The following MMS22L variants were observed in gnomAD, a reference collection of about 807,000 sequenced individuals.
MMS22L encodes the protein protein MMS22-like.
In MMS22L, 74 loss-of-function variants were observed where a neutral mutation model predicts 159.1. That is an observed-to-expected ratio of 0.47 (90% CI 0.39 to 0.56). The LOEUF (loss-of-function observed/expected upper bound fraction) is 0.56. Among genes scored for constraint, MMS22L ranks in the 20% least tolerant of loss-of-function variants. The pLI, the probability that MMS22L is intolerant of heterozygous loss-of-function variation, is 0.00. For synonymous variants in MMS22L, 517 were observed against 506.9 expected, an observed-to-expected ratio of 1.02 and a Z score of -0.27; for missense variants, 1,351 against 1,422.1, an observed-to-expected ratio of 0.95 and a Z score of 0.80.
Position 97,267,853 on chromosome 6 carries a change from C to A in MMS22L, c.828+19G>T. 1 of 1,569,104 alleles carries A rather than the reference C, an allele frequency of 6.4e-7. No individual in the cohort carries two copies. Among genetic ancestry groups the A allele is most frequent in the Non-Finnish European group, 8.6e-7 (1 of 1,162,812 alleles). ...ATACTGTCTTTAAGTCTCAAAAATA[C>A]AAACTCTTAAAGCATTACCTTGTCG... On this transcript the variant is annotated intron_variant, in intron 8 of 24. Transcript: ENST00000683635.
intron 18 of MMS22L, among the ~76,000 whole-genome samples, chr6:97,174,781 AC>A (rs1803961922): frequency 6.6e-6 from 1 of 152,202 alleles, no homozygotes; most frequent in South Asian, 2.1e-4. Flanking sequence ...CTGAAAGAGT[AC>A]TACAGAAGCT....
At chr6:97,189,070 G>A (rs1805567878) in intron 14 of MMS22L, among the ~76,000 whole-genome samples, 1 of 151,830 alleles carries the variant, frequency 6.6e-6, no homozygotes, top group Admixed American at 6.6e-5. Flanking sequence ...AGGGCCAGGA[G>A]CAACATCAGA....
chr6:97,238,590 TG>T, intron 11 of MMS22L, among the ~76,000 whole-genome samples: 3 of 96,974 alleles, frequency 3.1e-5, no homozygotes, highest in Non-Finnish European at 5.1e-5. Context: ...TGTGTGTGTG[TG>T]TGTGTGTGTG....
At position 97,151,747 on chromosome 6, in the gene MMS22L, C is replaced by A. The variant is rs1801340457; in HGVS notation, c.3482+24G>T. ...CAAATGGCTGGCAATAGTTTCCTTG[C>A]CAGGTGGCATATTTTCCAGTTACCT... is the stretch of plus-strand genomic sequence containing the variant. On this transcript the variant is annotated intron_variant, in intron 23 of 24. Coordinates refer to ENST00000683635, the MANE Select transcript of MMS22L (RefSeq NM_001350599.2). 7 of 1,590,784 alleles carry A rather than the reference C, an allele frequency of 4.4e-6. No homozygotes were observed. The African/African-American group carries it at 6.7e-5, about 15-fold the overall frequency.
At chr6:97,255,127 A>G (rs1813662697) in intron 9 of MMS22L, among the ~76,000 whole-genome samples, 2 of 152,094 alleles carry the variant, frequency 1.3e-5, no homozygotes, top group Non-Finnish European at 1.5e-5. Context: ...TCTTTGGTCA[A>G]TGCTGCGTTT....
intron 23 of MMS22L, 71 bp from the exon 24 acceptor site, chr6:97,150,091 C>G: frequency 8.6e-7 from 1 of 1,162,182 alleles, no homozygotes; most frequent in East Asian, 2.4e-5. Context: ...ACGTGGCAAT[C>G]AACTATGAAC....
chr6:97,234,045 A>C, intron 11 of MMS22L, 65 bp from the exon 12 acceptor site: 1 of 1,552,934 alleles, frequency 6.4e-7, no homozygotes, highest in Non-Finnish European at 8.7e-7. Context: ...TTTTCACTTG[A>C]TATTGTGCTG....
chr6:97,240,166 C>A (rs550706253), intron 11 of MMS22L, among the ~76,000 whole-genome samples: 4 of 152,250 alleles, frequency 2.6e-5, no homozygotes, highest in South Asian at 2.1e-4. Context: ...TACTACTGCT[C>A]CCACAAAATT....
intron 4 of MMS22L, among the ~76,000 whole-genome samples, chr6:97,278,373 A>G (rs561037754): frequency 6.6e-6 from 1 of 151,582 alleles, no homozygotes; most frequent in Non-Finnish European, 1.5e-5. Context: ...TTTGCACTCC[A>G]GCCTGGACAA....
intron 24 of MMS22L, among the ~76,000 whole-genome samples, chr6:97,147,773 C>A (rs181825904): frequency 6.6e-6 from 1 of 152,168 alleles, no homozygotes; most frequent in African/African-American, 2.4e-5. Flanking sequence ...ATGTTCCATT[C>A]TGGCATACAA....
intron 15 of MMS22L, among the ~76,000 whole-genome samples, chr6:97,184,294 T>C (rs1001852561): frequency 2.6e-5 from 4 of 152,134 alleles, no homozygotes; most frequent in Non-Finnish European, 4.4e-5. Context: ...AACAAAGGAA[T>C]ACCCTAAGGC....
chr6:97,234,061 A>C, intron 11 of MMS22L, 81 bp from the exon 12 acceptor site: 1 of 1,431,468 alleles, frequency 7.0e-7, no homozygotes, highest in Non-Finnish European at 9.3e-7. Context: ...TGCTGTATAT[A>C]ACCTGCAGCT....
intron 11 of MMS22L, among the ~76,000 whole-genome samples, chr6:97,238,328 G>T (rs1401660079): frequency 6.6e-6 from 1 of 152,174 alleles, no homozygotes; most frequent in Non-Finnish European, 1.5e-5. Flanking sequence ...AATAATAAAT[G>T]CAACAGGGTC....
rs751284218 is a variant in MMS22L, at chr6:97,267,896, G to T, written c.804C>A (p.Ser268Arg). The change falls in exon 8 of 25, where the codon AGC becomes AGA. Residue 268 changes from serine (S) to arginine (R), a missense_variant. Coordinates refer to ENST00000683635, the MANE Select transcript of MMS22L (RefSeq NM_001350599.2). ...CCTTGTCGTACCTGTTGAGTGACAG[G>T]CTTATTAAATCACAAAGGAGAGTTT... ...HCETLLCDLI[S>R]LSLNRYDKVR... 1.2e-6 allele frequency: 2 copies of T among 1,607,058 alleles called. No homozygotes were observed. The highest frequency in any genetic ancestry group is 1.3e-5 in the African/African-American group (1 of 74,676).
At position 97,228,985 on chromosome 6, in the gene MMS22L, T is replaced by C; in HGVS notation, c.1948A>G (p.Asn650Asp). Residue 650 changes from asparagine (N) to aspartate (D), a missense_variant, in exon 14 of 25, where the codon AAT becomes GAT. By Grantham distance (23) the Asn-to-Asp change is conservative. Transcript: ENST00000683635. ...CGCAGAAGCATACTAAATCCATCAT[T>C]AAGCAGTTTTTCATGGGAAGGATAC... ...CLYPSHEKLL[N>D]DGFSMLLRAC... The C allele has an allele frequency of 1.2e-6, 2 of 1,614,138 alleles. No individual in the cohort carries two copies. Among genetic ancestry groups the C allele is most frequent in the Non-Finnish European group, 1.7e-6 (2 of 1,180,006 alleles).
intron 11 of MMS22L, among the ~76,000 whole-genome samples, chr6:97,242,553 T>C (rs1192393985): frequency 6.6e-6 from 1 of 152,194 alleles, no homozygotes; most frequent in African/African-American, 2.4e-5. Context: ...TGCCCTTCTA[T>C]ATCTTTCAAG....
intron 8 of MMS22L, chr6:97,265,117 C>T (rs932592667): frequency 6.6e-6 from 1 of 152,094 alleles, no homozygotes; most frequent in Non-Finnish European, 1.5e-5. Flanking sequence ...GAACAAAGCT[C>T]GAGGCATGAC....
At position 97,173,110 on chromosome 6, in the gene MMS22L, C is replaced by A. The variant is rs777486868; in HGVS notation, c.2792G>T (p.Gly931Val). Residue 931 changes from glycine to valine, a missense_variant, in exon 19 of 25, where the codon GGA (glycine) becomes GTA (valine). Gly to Val is a moderately radical substitution (Grantham distance 109, BLOSUM62 -3). Coordinates refer to ENST00000683635, the MANE Select transcript of MMS22L (RefSeq NM_001350599.2). ...EVLKYIKPYL[G>V]KKVFSAGLQL... is the part of the protein sequence containing the mutation. ...CAGCCCTGCACTGAAAACTTTTTTT[C>A]CCAAATAAGGCTTAATATATTTTAA... 6.2e-7 allele frequency: 1 copy of A among 1,612,698 alleles called. No homozygotes were observed. The highest frequency in any genetic ancestry group is 8.5e-7 in the Non-Finnish European group (1 of 1,179,554).
chr6:97,227,468 T>A (rs781568263), intron 14 of MMS22L, among the ~76,000 whole-genome samples: 1 of 152,138 alleles, frequency 6.6e-6, no homozygotes, highest in East Asian at 1.9e-4. Context: ...ATTGGAAACA[T>A]AAAAATTTCT....
Sources: allele counts gnomAD v4.1 joint callset (sites outside exome capture counted in the v4.1 genomes callset), GRCh38; gene constraint gnomAD v4.1.1; transcripts MANE v1.5; gene names NCBI Gene and HGNC (gene_info 2026-07-23, HGNC 2026-07-21).